TIAM2: variants seen among roughly 807,000 people sequenced by gnomAD.
The protein encoded by TIAM2 is rho guanine nucleotide exchange factor TIAM2.
A neutral mutation model predicts 152.9 loss-of-function variants in TIAM2; 80 were observed. The ratio of observed to expected loss-of-function variants is 0.52; its 90% CI spans 0.44 to 0.63. TIAM2 has a LOEUF of 0.63. Ranked by LOEUF, TIAM2 falls within the 30% of genes least tolerant of loss-of-function variation. TIAM2 has a pLI of 0.00. For synonymous variants in TIAM2, 804 were observed against 838.0 expected, an observed-to-expected ratio of 0.96 and a Z score of 0.70; for missense variants, 1,965 against 2,120.1, an observed-to-expected ratio of 0.93 and a Z score of 1.44.
intron 9 of TIAM2, among the ~76,000 whole-genome samples, chr6:155,176,009 C>T (rs1780750994): frequency 6.6e-6 from 1 of 152,156 alleles, no homozygotes; most frequent in Non-Finnish European, 1.5e-5. Flanking sequence ...GAAACAAAGA[C>T]AAAAACACAG....
chr6:155,077,007 C>A lies in TIAM2; in HGVS notation c.-208-13282C>A, dbSNP rs899840881. On this transcript the variant is annotated intron_variant, in intron 1 of 26. Transcript: ENST00000682666. ...CATAGCACCCGGTCGAAATTCATAT[C>A]CTTTTCTACAAATTCCTTTTATTTC... Among the ~76,000 whole-genome samples the A allele has an allele frequency of 5.9e-5, 9 of 152,228 alleles. No homozygotes were observed. In the East Asian group the frequency reaches 1.5e-3, roughly 26 times the overall value.
At chr6:155,170,557 C>T (rs760976016) in intron 9 of TIAM2, among the ~76,000 whole-genome samples, 32 of 152,260 alleles carry the variant, frequency 2.1e-4, no homozygotes, top group Admixed American at 4.6e-4. Flanking sequence ...GCCAAGATCG[C>T]ACCACTGCAC....
At chr6:155,203,038 A>G in intron 14 of TIAM2, among the ~76,000 whole-genome samples, 1 of 127,516 alleles carries the variant, frequency 7.8e-6, no homozygotes, top group Non-Finnish European at 1.6e-5. Context: ...GACAGAGCAA[A>G]ACTCTGTCTC....
At chr6:155,057,115 G>T (rs28886871) in intron 1 of TIAM2, among the ~76,000 whole-genome samples, 339 of 130,914 alleles carry the variant, frequency 2.6e-3, no homozygotes, top group Middle Eastern at 0.017. Context: ...TGCATCCTCT[G>T]CCCCCCAGGT....
chr6:155,026,455 A>G (rs1776603938), intron 1 of TIAM2, among the ~76,000 whole-genome samples: 1 of 152,210 alleles, frequency 6.6e-6, no homozygotes, highest in East Asian at 1.9e-4. Context: ...AACGCTAAGC[A>G]GTTAATTTTC....
At chr6:155,173,102 T>A (rs943450520) in intron 9 of TIAM2, among the ~76,000 whole-genome samples, 1 of 152,160 alleles carries the variant, frequency 6.6e-6, no homozygotes. Flanking sequence ...AAATTAATTT[T>A]AAATTCTTGG....
At chr6:155,142,793 C>T (rs528060780) in intron 5 of TIAM2, among the ~76,000 whole-genome samples, 39 of 152,292 alleles carry the variant, frequency 2.6e-4, no homozygotes, top group Middle Eastern at 3.4e-3. Flanking sequence ...GGAGCAAATG[C>T]GCAGTTTCTT....
chr6:155,068,614 C>G (rs993095931), intron 1 of TIAM2, among the ~76,000 whole-genome samples: 3 of 144,270 alleles, frequency 2.1e-5, no homozygotes, highest in Non-Finnish European at 4.6e-5. Flanking sequence ...CCCCCCATCA[C>G]GTCTGGCTAA....
chr6:155,114,037 T>TATA (rs1381031482), intron 2 of TIAM2, among the ~76,000 whole-genome samples: 1,984 of 28,290 alleles, frequency 0.07, 92 homozygotes, highest in Admixed American at 0.099. Flanking sequence ...TATATATATA[T>TATA]TTTTTTTTTT....
At chr6:155,234,989 CGGAGCACAGCTAGAGAT>C (rs71780307) in intron 15 of TIAM2, among the ~76,000 whole-genome samples, 18,092 of 151,594 alleles carry the variant, frequency 0.12, 1,357 homozygotes, top group Non-Finnish European at 0.18. Flanking sequence ...GAGCTAGAGA[CGGAGCACAGCTAGAGAT>C]GGAGCACAGC....
chr6:155,013,426 G>A (rs1377840946), intron 1 of TIAM2, among the ~76,000 whole-genome samples: 1 of 152,146 alleles, frequency 6.6e-6, no homozygotes, highest in East Asian at 1.9e-4. Context: ...GAGAAGAAAG[G>A]CATGGTTACC....
At chr6:155,149,293 G>A (rs981900946) in intron 7 of TIAM2, 2 of 167,056 alleles carry the variant, frequency 1.2e-5, no homozygotes, top group Non-Finnish European at 2.9e-5. Flanking sequence ...GTCTTGAAGG[G>A]GGAATCCGGG....
intron 1 of TIAM2, chr6:155,005,180 C>T (rs1778377760): frequency 4.4e-6 from 1 of 227,702 alleles, no homozygotes; most frequent in Non-Finnish European, 9.5e-6. Flanking sequence ...GCTTGTCCCT[C>T]ATTTCCCCTT....
intron 4 of TIAM2, among the ~76,000 whole-genome samples, chr6:155,133,220 G>A (rs1405765505): frequency 2.0e-5 from 3 of 152,102 alleles, no homozygotes; most frequent in Non-Finnish European, 2.9e-5. Context: ...GCTGGCATGT[G>A]CCTGTTAGTC....
chr6:155,111,825 C>T (rs949591384), intron 2 of TIAM2, among the ~76,000 whole-genome samples: 8 of 152,122 alleles, frequency 5.3e-5, no homozygotes, highest in Non-Finnish European at 1.0e-4. Flanking sequence ...CTGTCCTTCC[C>T]GCTAGCAACT....
chr6:155,104,376 C>A (rs1023794621), intron 2 of TIAM2, among the ~76,000 whole-genome samples: 13 of 152,166 alleles, frequency 8.5e-5, no homozygotes, highest in African/African-American at 2.4e-4. Context: ...CTGACCCCGC[C>A]CTGACTTAAA....
In TIAM2 at chr6:155,174,097, A is replaced by G. The variant is rs896618313; in HGVS notation, c.2362-2719A>G. Among the ~76,000 whole-genome samples the G allele has an allele frequency of 6.6e-6, 1 of 152,216 alleles. No individual in the cohort carries two copies. The highest frequency in any genetic ancestry group is 2.4e-5 in the African/African-American group (1 of 41,448). On this transcript the variant is annotated intron_variant, in intron 9 of 26. Transcript: ENST00000682666. The surrounding 1 kb of genome is among the most constrained non-coding windows in gnomAD (Gnocchi z 4.2). ...TAATCAGGAGATTTGGGTTGCACCC[A>G]TTTTATATAAAGGGAGTTAACTGCC...
At chr6:155,173,728 A>G (rs1780693678) in intron 9 of TIAM2, among the ~76,000 whole-genome samples, 1 of 152,210 alleles carries the variant, frequency 6.6e-6, no homozygotes, top group Non-Finnish European at 1.5e-5. Flanking sequence ...CTCTGCTGGT[A>G]TTCATCTTCT....
chr6:155,117,201 A>C (rs1005877381), intron 2 of TIAM2, among the ~76,000 whole-genome samples: 1 of 152,130 alleles, frequency 6.6e-6, no homozygotes, highest in African/African-American at 2.4e-5. Context: ...AAATTAAAAA[A>C]CAAAATTTTT....
Sources: allele counts gnomAD v4.1 joint callset (sites outside exome capture counted in the v4.1 genomes callset), GRCh38; gene constraint gnomAD v4.1.1; non-coding constraint Gnocchi (gnomAD v3.1); transcripts MANE v1.5; gene names NCBI Gene and HGNC (gene_info 2026-07-23, HGNC 2026-07-21).